Variants in CSMD1 observed in about 807,000 individuals in gnomAD.
The protein encoded by CSMD1 is CUB and Sushi multiple domains 1, also known as CUB and sushi domain-containing protein 1.
CSMD1 carries 213 observed loss-of-function variants against 417.5 expected under a neutral mutation model. The ratio of observed to expected loss-of-function variants is 0.51; its 90% CI spans 0.46 to 0.57. The LOEUF (loss-of-function observed/expected upper bound fraction) is 0.57, where lower values mean the gene tolerates loss of function less well. Among genes scored for constraint, CSMD1 ranks in the 20% least tolerant of loss-of-function variants. CSMD1 has a pLI of 0.00. For synonymous variants in CSMD1, 2,862 were observed against 1,736.8 expected (o/e 1.65, Z -16.11); for missense variants, 6,923 against 4,529.7 (o/e 1.53, Z -15.17).
intron 3 of CSMD1, among the ~76,000 whole-genome samples, chr8:4,159,516 T>G (rs532203077): frequency 1.7e-4 from 26 of 152,196 alleles, no homozygotes; most frequent in Non-Finnish European, 3.1e-4. Context: ...GGTATATATA[T>G]GATGGAATAC....
chr8:4,463,293 G>C (rs952698848), intron 2 of CSMD1, among the ~76,000 whole-genome samples: 1 of 152,136 alleles, frequency 6.6e-6, no homozygotes, highest in African/African-American at 2.4e-5. Context: ...AGTAAGTGTT[G>C]GTGAGGAGGT....
chr8:3,281,616 T>G (rs1359620224), intron 26 of CSMD1, among the ~76,000 whole-genome samples: 9 of 151,950 alleles, frequency 5.9e-5, no homozygotes, highest in Non-Finnish European at 1.3e-4. Flanking sequence ...ACTCTGTGAC[T>G]TTCAGGAAAA....
At chr8:3,973,019 C>G (rs1813191293) in intron 5 of CSMD1, among the ~76,000 whole-genome samples, 1 of 152,210 alleles carries the variant, frequency 6.6e-6, no homozygotes, top group African/African-American at 2.4e-5. Flanking sequence ...TTTTTCTCTT[C>G]TAACAGTGTT....
intron 5 of CSMD1, among the ~76,000 whole-genome samples, chr8:3,954,137 G>A (rs1203800997): frequency 6.6e-6 from 1 of 152,164 alleles, no homozygotes; most frequent in African/African-American, 2.4e-5. Flanking sequence ...TTCCCGAGGG[G>A]AATCACATAT....
intron 46 of CSMD1, among the ~76,000 whole-genome samples, chr8:3,097,250 C>A (rs569136243): frequency 1.3e-5 from 2 of 152,292 alleles, no homozygotes; most frequent in South Asian, 4.1e-4. Context: ...TCTCTACACT[C>A]AGCCTGCACA....
At position 3,641,896 on chromosome 8, in the gene CSMD1, T is replaced by C. The variant is rs550533336; in HGVS notation, c.1010-25099A>G. On this transcript the variant is annotated intron_variant, in intron 7 of 69. Coordinates refer to ENST00000635120, the MANE Select transcript of CSMD1 (RefSeq NM_033225.6). The stretch of plus-strand genomic sequence containing the variant: ...ATATAAGGTTTCGCTACATAGGCAA[T>C]GTGTGGAAACTAATTCTGATTAAGG... Among the ~76,000 whole-genome samples the C allele has an allele frequency of 6.6e-5, 10 of 152,330 alleles. No individual in the cohort carries two copies. In the South Asian group the frequency reaches 1.9e-3, roughly 28 times the overall value.
chr8:4,200,401 TAATGA>T (rs1277118035), intron 3 of CSMD1, among the ~76,000 whole-genome samples: 1 of 152,142 alleles, frequency 6.6e-6, no homozygotes, highest in Non-Finnish European at 1.5e-5. Context: ...AGAAAAAAAT[TAATGA>T]AAATTTGATT....
In CSMD1 at chr8:3,025,154, C is replaced by G. The variant is rs368192297; in HGVS notation, c.7855+4165G>C. 8.4e-3 allele frequency among the ~76,000 whole-genome samples: 1,247 copies of G among 148,498 alleles called. 14 individuals are homozygous for G. The highest frequency in any genetic ancestry group is 0.02 in the East Asian group (102 of 4,990). On this transcript the variant is annotated intron_variant, in intron 51 of 69. Coordinates refer to ENST00000635120, the MANE Select transcript of CSMD1 (RefSeq NM_033225.6). ...TGTATTGTGTGGTGTTATTCTGAAA[C>G]TGTGTATTGTGTGGTGTTATTCTGA...
chr8:4,814,449 G>A (rs58024148), intron 1 of CSMD1, among the ~76,000 whole-genome samples: 8,867 of 152,240 alleles, frequency 0.058, 434 homozygotes, highest in East Asian at 0.23. Flanking sequence ...GTTTCACCAT[G>A]TTGGCCAAGG....
At chr8:4,120,738 G>C (rs1331849622) in intron 3 of CSMD1, among the ~76,000 whole-genome samples, 1 of 152,162 alleles carries the variant, frequency 6.6e-6, no homozygotes, top group African/African-American at 2.4e-5. Flanking sequence ...AGAATGTCAG[G>C]CTCAGAATGT....
chr8:3,447,312 A>G (rs915277364), intron 12 of CSMD1, among the ~76,000 whole-genome samples: 3 of 150,814 alleles, frequency 2.0e-5, no homozygotes, highest in African/African-American at 7.4e-5. Context: ...TAAAAATCCT[A>G]ATTCAGTTTA....
At chr8:4,594,510 T>A (rs1276230590) in intron 2 of CSMD1, among the ~76,000 whole-genome samples, 1 of 152,110 alleles carries the variant, frequency 6.6e-6, no homozygotes, top group Non-Finnish European at 1.5e-5. Context: ...TGAAATGATC[T>A]GTTTCTAAAT....
chr8:3,139,133 T>C (rs182567742), intron 41 of CSMD1, among the ~76,000 whole-genome samples: 2 of 152,270 alleles, frequency 1.3e-5, no homozygotes, highest in South Asian at 2.1e-4. Flanking sequence ...TTTCAGTGCC[T>C]GCGTCATTCC....
intron 3 of CSMD1, among the ~76,000 whole-genome samples, chr8:4,383,207 A>T (rs1402325454): frequency 2.6e-5 from 4 of 152,150 alleles, no homozygotes; most frequent in Non-Finnish European, 5.9e-5. Flanking sequence ...CTGAGTACTG[A>T]CCCAGTATGT....
intron 10 of CSMD1, 116 bp from the exon 11 acceptor site, chr8:3,493,842 A>G (rs989783774): frequency 5.6e-6 from 4 of 708,098 alleles, no homozygotes; most frequent in East Asian, 2.8e-5. Flanking sequence ...GCCAATGTCA[A>G]ATGATCCCAG....
chr8:4,762,949 A>T (rs1812213834), intron 1 of CSMD1, among the ~76,000 whole-genome samples: 1 of 152,162 alleles, frequency 6.6e-6, no homozygotes, highest in African/African-American at 2.4e-5. Flanking sequence ...AGACTGGCTT[A>T]TATTTCTCAA....
At chr8:4,334,388 A>G (rs1054927427) in intron 3 of CSMD1, among the ~76,000 whole-genome samples, 2 of 152,150 alleles carry the variant, frequency 1.3e-5, no homozygotes, top group African/African-American at 2.4e-5. Flanking sequence ...GCTTCATTCA[A>G]TCTGAGGGGA....
chr8:3,224,153 AT>A (rs1245461863), intron 27 of CSMD1, among the ~76,000 whole-genome samples: 1 of 152,120 alleles, frequency 6.6e-6, no homozygotes, highest in Non-Finnish European at 1.5e-5. Context: ...ATAATTTAAA[AT>A]TTTCTCAATT....
chr8:3,670,695 T>C, intron 7 of CSMD1, among the ~76,000 whole-genome samples: 1 of 147,458 alleles, frequency 6.8e-6, no homozygotes, highest in South Asian at 2.1e-4. Context: ...ATGGGATATA[T>C]GTATATGGGA....
Sources: gnomAD v4.1 joint callset for allele counts (sites outside exome capture counted in the v4.1 genomes callset) on GRCh38, gnomAD v4.1.1 for gene constraint, MANE v1.5 for transcripts, NCBI Gene and HGNC (gene_info 2026-07-23, HGNC 2026-07-21) for gene names.